TRAPPC12: variants seen among roughly 807,000 people sequenced by gnomAD.
TRAPPC12 encodes TPR repeat protein 15.
Under a neutral mutation model 69.2 loss-of-function variants are expected in TRAPPC12, and 61 were observed. That is an observed-to-expected ratio of 0.88 (90% CI 0.72 to 1.09). TRAPPC12 has a LOEUF of 1.09. Among genes scored for constraint, TRAPPC12 ranks in the 50% least tolerant of loss-of-function variants. The pLI is 0.00. For synonymous variants in TRAPPC12, 469 were observed against 438.9 expected (o/e 1.07, Z -0.86); for missense variants, 1,101 against 1,016.4 (o/e 1.08, Z -1.13).
intron 1 of TRAPPC12, among the ~76,000 whole-genome samples, chr2:3,381,461 T>A (rs1245448442): frequency 1.3e-5 from 2 of 152,232 alleles, no homozygotes; most frequent in African/African-American, 4.8e-5. Context: ...CACATTCTTG[T>A]GCAAAGCCCT....
intron 1 of TRAPPC12, among the ~76,000 whole-genome samples, chr2:3,383,015 A>T (rs1660297780): frequency 6.6e-6 from 1 of 152,262 alleles, no homozygotes; most frequent in Admixed American, 6.5e-5. Context: ...ATGTATAGTT[A>T]TCAAAGTGAT....
rs762552157 is a variant in TRAPPC12, at chr2:3,443,915, C to A, written c.1530+24C>A. 1.9e-6 allele frequency: 3 copies of A among 1,576,834 alleles called. No homozygotes were observed. In the African/African-American group the frequency reaches 4.0e-5, roughly 21 times the overall value. On this transcript the variant is annotated intron_variant, in intron 6 of 11. Transcript: ENST00000324266. ...AGGTAGGTGGCGCTGTCATTCTTCC[C>A]TGCCACGGGGAGAACATGCCCTCCA...
In TRAPPC12 at chr2:3,403,520, C is replaced by T. The variant is rs571437060; in HGVS notation, c.1164+1627C>T. On this transcript the variant is annotated intron_variant, in intron 3 of 11. Coordinates refer to ENST00000324266, the MANE Select transcript of TRAPPC12 (RefSeq NM_016030.6). Reference sequence around the variant, plus strand: ...TGCTGGGATTATAGGCGTGAGCCACCGCACCCGACCAGATTTCACCTATTT... The same window carrying T: ...TGCTGGGATTATAGGCGTGAGCCACTGCACCCGACCAGATTTCACCTATTT... Among the ~76,000 whole-genome samples the T allele has an allele frequency of 4.6e-5, 7 of 152,274 alleles. No homozygotes were observed. The South Asian group carries it at 6.2e-4, about 14-fold the overall frequency.
At chr2:3,451,739 G>A (rs941352280) in intron 6 of TRAPPC12, among the ~76,000 whole-genome samples, 5 of 152,084 alleles carry the variant, frequency 3.3e-5, no homozygotes, top group African/African-American at 7.2e-5. Flanking sequence ...GCCCAGGCTG[G>A]TCTTGAACTC....
intron 3 of TRAPPC12, among the ~76,000 whole-genome samples, chr2:3,403,121 T>C (rs1048009074): frequency 6.6e-6 from 1 of 152,244 alleles, no homozygotes; most frequent in Non-Finnish European, 1.5e-5. Context: ...CCTTTCAACT[T>C]TCAAAAAAGA....
Position 3,388,145 on chromosome 2 carries a change from C to T in TRAPPC12, c.522C>T (p.Gly174=). Reference sequence around the variant, plus strand: ...GCGCGCCCCCAGCCTCCGGGGACGGCTTCGAGCCGCAGATGGTGAAGTCGC... The same window carrying T: ...GCGCGCCCCCAGCCTCCGGGGACGGTTTCGAGCCGCAGATGGTGAAGTCGC... ...SQRAPPASGD[G]FEPQMVKSPS... Residue 174 remains glycine (G), a synonymous_variant, in exon 2 of 12, where the codon GGC becomes GGT. Coordinates refer to ENST00000324266, the MANE Select transcript of TRAPPC12 (RefSeq NM_016030.6). The T allele has an allele frequency of 6.2e-7, 1 of 1,601,170 alleles. No individual in the cohort carries two copies. Among genetic ancestry groups the T allele is most frequent in the Non-Finnish European group, 8.5e-7 (1 of 1,175,284 alleles).
chr2:3,436,668 G>A lies in TRAPPC12; in HGVS notation c.1418-7111G>A, dbSNP rs181724932. Among the ~76,000 whole-genome samples, 324 of 151,892 alleles carry A rather than the reference G, an allele frequency of 2.1e-3. 2 individuals are homozygous for A. Among genetic ancestry groups the A allele is most frequent in the African/African-American group, 7.0e-3 (291 of 41,314 alleles). On this transcript the variant is annotated intron_variant, in intron 5 of 11. Transcript: ENST00000324266. ...GGTTTCAACAAATTAATGGCGTTGC[G>A]TGTTCATTGTACTGTCATGCCGAAT... is the stretch of plus-strand genomic sequence containing the variant.
intron 1 of TRAPPC12, among the ~76,000 whole-genome samples, chr2:3,387,029 A>G (rs1052622953): frequency 4.6e-5 from 7 of 152,218 alleles, no homozygotes; most frequent in Non-Finnish European, 1.0e-4. Context: ...CCTTCTAGGT[A>G]TTTACCCAAA....
chr2:3,448,658 G>A (rs1334121699), intron 6 of TRAPPC12, among the ~76,000 whole-genome samples: 3 of 141,790 alleles, frequency 2.1e-5, no homozygotes, highest in African/African-American at 9.1e-5. Context: ...GTGGAGAGCA[G>A]CCGGTTACGC....
At chr2:3,440,243 T>G (rs1664124336) in intron 5 of TRAPPC12, among the ~76,000 whole-genome samples, 1 of 152,238 alleles carries the variant, frequency 6.6e-6, no homozygotes, top group Non-Finnish European at 1.5e-5. Context: ...TTGCTGAGAT[T>G]TTGATTGGGG....
In TRAPPC12 at chr2:3,445,461, C is replaced by T. The variant is rs568023611; in HGVS notation, c.1530+1570C>T. Among the ~76,000 whole-genome samples, 10 of 152,324 alleles carry T rather than the reference C, an allele frequency of 6.6e-5. 1 individual carries two copies. The highest frequency in any genetic ancestry group is 3.4e-3 in the Middle Eastern group (1 of 294). ...AGCACTAGCTATGAAGCAGCAGGGA[C>T]GGTGGAGCAGAGAGCAGGAGCTTCC... On this transcript the variant is annotated intron_variant, in intron 6 of 11. Coordinates refer to ENST00000324266, the MANE Select transcript of TRAPPC12 (RefSeq NM_016030.6).
chr2:3,465,483 C>T (rs985960623), intron 8 of TRAPPC12, 114 bp from the exon 9 acceptor site: 10 of 718,598 alleles, frequency 1.4e-5, no homozygotes, highest in African/African-American at 5.3e-5. Flanking sequence ...CCAGCTCCTG[C>T]GTCAGCGTGT....
chr2:3,465,992 T>C (rs1572203513), intron 9 of TRAPPC12, among the ~76,000 whole-genome samples: 1 of 152,214 alleles, frequency 6.6e-6, no homozygotes, highest in African/African-American at 2.4e-5. Context: ...AAGCACTGAC[T>C]AAACCGTGAG....
chr2:3,466,654 G>A (rs906364812), intron 9 of TRAPPC12, among the ~76,000 whole-genome samples: 4 of 152,218 alleles, frequency 2.6e-5, no homozygotes, highest in South Asian at 2.1e-4. Context: ...TCTCCTGCAC[G>A]CCGCCTGCTT....
At chr2:3,383,672 T>C (rs1660337573) in intron 1 of TRAPPC12, among the ~76,000 whole-genome samples, 1 of 151,956 alleles carries the variant, frequency 6.6e-6, no homozygotes. Flanking sequence ...CCGAAAGTGC[T>C]GGGATTACAG....
chr2:3,435,536 A>G (rs1022989636), intron 5 of TRAPPC12, among the ~76,000 whole-genome samples: 1 of 152,212 alleles, frequency 6.6e-6, no homozygotes. Context: ...AAAGCAGTAG[A>G]AATGGGAGTG....
intron 3 of TRAPPC12, among the ~76,000 whole-genome samples, chr2:3,404,283 G>A (rs561293622): frequency 1.4e-4 from 21 of 152,180 alleles, no homozygotes; most frequent in African/African-American, 5.1e-4. Context: ...ACTTCTCTTT[G>A]ACTTTCTACT....
At chr2:3,389,307 A>C (rs1190284903) in intron 2 of TRAPPC12, among the ~76,000 whole-genome samples, 1 of 152,226 alleles carries the variant, frequency 6.6e-6, no homozygotes, top group Non-Finnish European at 1.5e-5. Flanking sequence ...GCGCTTTGGC[A>C]TATCCCGTGG....
intron 9 of TRAPPC12, among the ~76,000 whole-genome samples, chr2:3,469,156 G>C (rs1665953317): frequency 6.6e-6 from 1 of 152,174 alleles, no homozygotes; most frequent in East Asian, 1.9e-4. Context: ...TTTCAAGAAA[G>C]CACGTGTGTT....
Sources: gnomAD v4.1 joint callset for allele counts (sites outside exome capture counted in the v4.1 genomes callset) on GRCh38, gnomAD v4.1.1 for gene constraint, MANE v1.5 for transcripts, NCBI Gene and HGNC (gene_info 2026-07-23, HGNC 2026-07-21) for gene names.